Variants in OR7A10 observed in about 807,000 individuals in gnomAD.
OR7A10 encodes the protein olfactory receptor 7A10.
For missense variants in OR7A10, 358 were observed against 370.1 expected (o/e 0.97, Z 0.27); for synonymous variants, 144 against 144.5 (o/e 1.00, Z 0.02).
chr19:14,841,560 G>C lies in OR7A10; in HGVS notation c.318C>G (p.Leu106=). ...GCITQMCFFL[L]FVGLDNFLLT... Reference sequence around the variant, plus strand: ...GAAGGAAGTTATCCAATCCTACAAAGAGTAAGAAAAAGCACATCTGGGTGA... The same window carrying C: ...GAAGGAAGTTATCCAATCCTACAAACAGTAAGAAAAAGCACATCTGGGTGA... The change falls in exon 2 of 2, where the codon CTC becomes CTG. Residue 106 remains leucine (L), a synonymous_variant. Coordinates refer to ENST00000641129, the MANE Select transcript of OR7A10 (RefSeq NM_001005190.2). The C allele has an allele frequency of 1.2e-6, 2 of 1,614,158 alleles. No homozygotes were observed. Among genetic ancestry groups the C allele is most frequent in the African/African-American group, 1.3e-5 (1 of 75,040 alleles).
At chr19:14,844,725 C>T (rs1031528778) in intron 1 of OR7A10, among the ~76,000 whole-genome samples, 1 of 131,520 alleles carries the variant, frequency 7.6e-6, no homozygotes, top group Non-Finnish European at 1.5e-5. Context: ...TGCAGCAGTG[C>T]GATCTTGGCT....
chr19:14,841,967 G>T, intron 1 of OR7A10, 78 bp from the exon 2 acceptor site: 1 of 850,658 alleles, frequency 1.2e-6, no homozygotes, highest in Non-Finnish European at 1.8e-6. Context: ...TATCAGAAAT[G>T]TTATCATTTA....
In OR7A10 at chr19:14,848,748, A is replaced by G. The variant is rs1288045937; in HGVS notation, c.-261T>C. ...CTTCATATGCCTGCTCATTGGAGAC[A>G]TTTCCTCCTGTTATTCAACCCCTGA... On this transcript the variant is annotated 5_prime_UTR_variant, in exon 1 of 2. It removes an upstream start codon present in the reference 5' UTR. Transcript: ENST00000641129. 1 of 152,202 alleles carries G rather than the reference A, an allele frequency of 6.6e-6. No individual in the cohort carries two copies. The highest frequency in any genetic ancestry group is 3.1e-3 in the Middle Eastern group (1 of 318). 9.4% of individuals were successfully genotyped at this position (152,202 alleles called of 1,614,324 possible). A position where few individuals can be genotyped will look rare whatever the true frequency, so the allele number is the denominator to read the frequency against.
Position 14,840,513 on chromosome 19 carries a change from G to A in OR7A10, c.*435C>T, listed in dbSNP as rs2044904299. 1.3e-5 allele frequency: 2 copies of A among 156,330 alleles called. No homozygotes were observed. Among genetic ancestry groups the A allele is most frequent in the Admixed American group, 1.2e-4 (2 of 16,100 alleles). 9.7% of individuals were successfully genotyped at this position (156,330 alleles called of 1,614,324 possible). On this transcript the variant is annotated 3_prime_UTR_variant, in exon 2 of 2. Transcript: ENST00000641129. ...ACTTTGATGCTTATGACATTTTTAAGGAAGAGATGTTAGGACAATGGAAGG... is the reference window on the plus strand; with the variant it reads ...ACTTTGATGCTTATGACATTTTTAAAGAAGAGATGTTAGGACAATGGAAGG...
rs757351220 is a variant in OR7A10 at position 14,848,621 on chromosome 19, T to G, written c.-134A>C. The G allele has an allele frequency of 2.6e-5, 4 of 152,202 alleles. No homozygotes were observed. Among genetic ancestry groups the G allele is most frequent in the Non-Finnish European group, 5.9e-5 (4 of 68,074 alleles). 9.4% of individuals were successfully genotyped at this position (152,202 alleles called of 1,614,324 possible). On this transcript the variant is annotated 5_prime_UTR_variant, in exon 1 of 2. Coordinates refer to ENST00000641129, the MANE Select transcript of OR7A10 (RefSeq NM_001005190.2). Reference sequence around the variant, plus strand: ...ACAGTAGGAGAAAGGAAAGAATCAGTACCCCTGAGCCAGCAGATATAGACT... The same window carrying G: ...ACAGTAGGAGAAAGGAAAGAATCAGGACCCCTGAGCCAGCAGATATAGACT...
Position 14,841,330 on chromosome 19 carries a change from T to C in OR7A10, c.548A>G (p.Gln183Arg), listed in dbSNP as rs371328003. ...EIPHFFCEIN[Q>R]VVHLACSDTF... Reference sequence around the variant, plus strand: ...GTCAGAACAGGCAAGGTGGACCACCTGATTAATTTCACAGAAAAAATGAGG... The same window carrying C: ...GTCAGAACAGGCAAGGTGGACCACCCGATTAATTTCACAGAAAAAATGAGG... Residue 183 changes from glutamine (Q) to arginine (R), a missense_variant, in exon 2 of 2, where the codon CAG becomes CGG. By Grantham distance (43) the Gln-to-Arg change is conservative (BLOSUM62 1). Transcript: ENST00000641129. 1.9e-6 allele frequency: 3 copies of C among 1,614,082 alleles called. No homozygotes were observed. Among genetic ancestry groups the C allele is most frequent in the African/African-American group, 1.3e-5 (1 of 74,930 alleles).
At position 14,841,649 on chromosome 19, in the gene OR7A10, T is replaced by A. The variant is rs747409831; in HGVS notation, c.229A>T (p.Thr77Ser). 1 of 1,614,126 alleles carries A rather than the reference T, an allele frequency of 6.2e-7. No homozygotes were observed. Among genetic ancestry groups the A allele is most frequent in the South Asian group, 1.1e-5 (1 of 91,074 alleles). ...ATGTTCACCAGCATCTTCGGGACAGTGGTAGAGACAAAACAGATGTCTACG... is the reference window on the plus strand; with the variant it reads ...ATGTTCACCAGCATCTTCGGGACAGAGGTAGAGACAAAACAGATGTCTACG... Reference protein sequence around the residue: ...SFVDICFVSTTVPKMLVNIQT... With the variant: ...SFVDICFVSTSVPKMLVNIQT... The change falls in exon 2 of 2, where the codon ACT becomes TCT. Residue 77 changes from threonine (T) to serine (S), a missense_variant. By Grantham distance (58) the Thr-to-Ser change is moderately conservative (BLOSUM62 1). Coordinates refer to ENST00000641129, the MANE Select transcript of OR7A10 (RefSeq NM_001005190.2).
At chr19:14,841,920 GAGT>G in intron 1 of OR7A10, 31 bp from the exon 2 acceptor site, 1 of 1,337,122 alleles carries the variant, frequency 7.5e-7, no homozygotes, top group Non-Finnish European at 1.0e-6. Context: ...GAGAGAGAGA[GAGT>G]GAAAGAACAT....
At chr19:14,845,408 G>A (rs1393240969) in intron 1 of OR7A10, among the ~76,000 whole-genome samples, 1 of 152,092 alleles carries the variant, frequency 6.6e-6, no homozygotes, top group Non-Finnish European at 1.5e-5. Context: ...CTGGAAGGCG[G>A]AGGCTGTGGT....
intron 1 of OR7A10, among the ~76,000 whole-genome samples, chr19:14,845,893 A>T (rs1022878625): frequency 5.3e-5 from 8 of 152,134 alleles, no homozygotes; most frequent in South Asian, 2.1e-4. Flanking sequence ...CGACAATTTT[A>T]ACATAAAAAT....
chr19:14,846,447 TTTAA>T (rs1224973346), intron 1 of OR7A10, among the ~76,000 whole-genome samples: 3 of 151,894 alleles, frequency 2.0e-5, no homozygotes, highest in Non-Finnish European at 2.9e-5. Flanking sequence ...CTGAAAAAAT[TTTAA>T]TATAATCACA....
chr19:14,845,774 T>A (rs2044939526), intron 1 of OR7A10, among the ~76,000 whole-genome samples: 1 of 152,260 alleles, frequency 6.6e-6, no homozygotes, highest in African/African-American at 2.4e-5. Flanking sequence ...TTATTCATTG[T>A]GGTGGGGTCT....
intron 1 of OR7A10, among the ~76,000 whole-genome samples, chr19:14,845,610 G>T (rs187509915): frequency 2.0e-5 from 3 of 152,178 alleles, no homozygotes; most frequent in Admixed American, 1.3e-4. Context: ...ACATTGAGTA[G>T]GGTTGGAACT....
At position 14,841,007 on chromosome 19, in the gene OR7A10, T is replaced by C. The variant is rs1442258019; in HGVS notation, c.871A>G (p.Ser291Gly). The change falls in exon 2 of 2, where the codon AGT becomes GGT. Residue 291 changes from serine (S) to glycine (G), a missense_variant. Physicochemically the swap from Ser to Gly is moderately conservative, Grantham distance 56. Coordinates refer to ENST00000641129, the MANE Select transcript of OR7A10 (RefSeq NM_001005190.2). ...VTPMLNPFIY[S>G]LRNKHIKGAM... is the part of the protein sequence containing the mutation. ...CCCTTTATGTGTTTATTCCTCAGAC[T>C]GTAGATGAAGGGGTTCAGCATGGGG... 2 of 1,614,068 alleles carry C rather than the reference T, an allele frequency of 1.2e-6. No individual in the cohort carries two copies. The highest frequency in any genetic ancestry group is 2.2e-5 in the South Asian group (2 of 91,066).
At position 14,841,832 on chromosome 19, in the gene OR7A10, C is replaced by G; in HGVS notation, c.46G>C (p.Gly16Arg). ...NTIILEFLLL[G>R]ISEEPELQAF... ...TGCAATTCTGGTTCCTCTGAAATTC[C>G]CAGGAGAAGAAATTCTAAAATTATT... Residue 16 changes from glycine to arginine, a missense_variant, in exon 2 of 2, where the codon GGA becomes CGA. Coordinates refer to ENST00000641129, the MANE Select transcript of OR7A10 (RefSeq NM_001005190.2). 6.2e-7 allele frequency: 1 copy of G among 1,612,756 alleles called. No individual in the cohort carries two copies. The highest frequency in any genetic ancestry group is 8.5e-7 in the Non-Finnish European group (1 of 1,179,614).
At chr19:14,847,230 G>T (rs12463274) in intron 1 of OR7A10, among the ~76,000 whole-genome samples, 9,880 of 152,182 alleles carry the variant, frequency 0.065, 371 homozygotes, top group South Asian at 0.12. Context: ...CAAAAGCCAA[G>T]AATTTTCATA....
chr19:14,848,686 A>T lies in OR7A10; in HGVS notation c.-199T>A, dbSNP rs1568260003. The T allele has an allele frequency of 6.6e-6, 1 of 152,248 alleles. No individual in the cohort carries two copies. The highest frequency in any genetic ancestry group is 2.4e-5 in the African/African-American group (1 of 41,468). The allele number at this position is 152,248 out of a possible 1,614,324, so 9.4% of individuals were successfully genotyped here. A position where few individuals can be genotyped will look rare whatever the true frequency, so the allele number is the denominator to read the frequency against. On this transcript the variant is annotated 5_prime_UTR_variant, in exon 1 of 2. An upstream start codon of the reference 5' UTR is lost. Coordinates refer to ENST00000641129, the MANE Select transcript of OR7A10 (RefSeq NM_001005190.2). The stretch of plus-strand genomic sequence containing the variant: ...GATGTCCCATCCAGCCCAAGGTTGC[A>T]TATGCTGAGGGACACCTGCAGCGGA...
chr19:14,846,708 T>TAAAAAA (rs1298938256), intron 1 of OR7A10, among the ~76,000 whole-genome samples: 1 of 10,920 alleles, frequency 9.2e-5, no homozygotes, highest in South Asian at 3.4e-3. Flanking sequence ...AGACTCCATC[T>TAAAAAA]CAAAAAAAAA....
Position 14,841,689 on chromosome 19 carries a change from G to A in OR7A10, c.189C>T (p.Leu63=), listed in dbSNP as rs202143392. The change falls in exon 2 of 2, where the codon CTC becomes CTT. Residue 63 remains leucine, a synonymous_variant. Coordinates refer to ENST00000641129, the MANE Select transcript of OR7A10 (RefSeq NM_001005190.2). ...SHLHTPMYFF[L]SNLSFVDICF... ...AGATGTCTACGAAGGACAGGTTGGA[G>A]AGGAAGAAGTACATGGGGGTGTGGA... 6.1e-5 allele frequency: 98 copies of A among 1,614,182 alleles called. No individual in the cohort carries two copies. The highest frequency in any genetic ancestry group is 3.3e-4 in the Middle Eastern group (2 of 6,062).
Sources: gnomAD v4.1 joint callset for allele counts (sites outside exome capture counted in the v4.1 genomes callset) on GRCh38, gnomAD v4.1.1 for gene constraint, MANE v1.5 for transcripts, NCBI Gene and HGNC (gene_info 2026-07-23, HGNC 2026-07-21) for gene names.